NCOA1: variants seen among roughly 807,000 people sequenced by gnomAD.
NCOA1 encodes the protein Hin-2 protein.
In NCOA1, 35 loss-of-function variants were observed where a neutral mutation model predicts 150.9. The ratio of observed to expected loss-of-function variants is 0.23; its 90% confidence interval spans 0.18 to 0.31. NCOA1 has a LOEUF of 0.31. NCOA1 is among the 10% of genes least tolerant of loss of function. NCOA1 has a pLI of 1.00. For missense variants in NCOA1, 1,491 were observed against 1,749.3 expected (o/e 0.85, Z 2.63); for synonymous variants, 590 against 630.0 (o/e 0.94, Z 0.95).
At chr2:24,568,208 G>A (rs910062685) in intron 2 of NCOA1, among the ~76,000 whole-genome samples, 2 of 152,152 alleles carry the variant, frequency 1.3e-5, no homozygotes, top group Non-Finnish European at 2.9e-5. Flanking sequence ...TAAAGAATAT[G>A]GGATTTTGTT....
chr2:24,571,176 T>G (rs1666731292), intron 2 of NCOA1, among the ~76,000 whole-genome samples: 1 of 151,650 alleles, frequency 6.6e-6, no homozygotes, highest in African/African-American at 2.4e-5. Flanking sequence ...GATTGGCCAT[T>G]AGTTGATCGT....
At chr2:24,768,081 C>G in intron 22 of NCOA1, 140 bp from the exon 23 acceptor site, 1 of 1,613,624 alleles carries the variant, frequency 6.2e-7, no homozygotes, top group African/African-American at 1.3e-5. Context: ...TTTTGTAGGA[C>G]AAGAAGACAG....
chr2:24,537,826 T>C (rs1296743003), intron 1 of NCOA1, among the ~76,000 whole-genome samples: 2 of 152,152 alleles, frequency 1.3e-5, no homozygotes, highest in African/African-American at 2.4e-5. Context: ...TCTCATAATG[T>C]TATGCTGTAA....
chr2:24,524,384 A>G (rs1033047517), intron 1 of NCOA1, among the ~76,000 whole-genome samples: 2 of 152,004 alleles, frequency 1.3e-5, no homozygotes, highest in Admixed American at 6.6e-5. Flanking sequence ...TGAAGCCTCA[A>G]CCTCCTGGAC....
intron 1 of NCOA1, among the ~76,000 whole-genome samples, chr2:24,525,454 G>C (rs2148148370): frequency 6.6e-6 from 1 of 152,266 alleles, no homozygotes; most frequent in South Asian, 2.1e-4. Flanking sequence ...GATTTGTAAG[G>C]AAACTGGTTA....
chr2:24,646,765 A>G (rs1052841331), intron 4 of NCOA1, among the ~76,000 whole-genome samples: 1 of 150,530 alleles, frequency 6.6e-6, no homozygotes, highest in Non-Finnish European at 1.5e-5. Context: ...AAGAGTTTTC[A>G]GGATAAAGTC....
rs1673072426 is a variant in NCOA1, at chr2:24,699,893, C to G, written c.949+2095C>G. ...GGTGCAGTGGCTCATGCCTGTAATC[C>G]CAACACTTTGGGAGGCCGAGGCAGG... On this transcript the variant is annotated intron_variant, in intron 11 of 22. Transcript: ENST00000348332. Among the ~76,000 whole-genome samples, 3 of 152,078 alleles carry G rather than the reference C, an allele frequency of 2.0e-5. No homozygotes were observed. In the South Asian group the frequency reaches 6.2e-4, roughly 32 times the overall value.
intron 3 of NCOA1, among the ~76,000 whole-genome samples, chr2:24,637,956 A>C (rs957315836): frequency 6.6e-6 from 1 of 152,132 alleles, no homozygotes; most frequent in African/African-American, 2.4e-5. Context: ...TCGGCCTCCC[A>C]AAGTGCTGGG....
At chr2:24,657,318 G>A (rs1280329138) in intron 4 of NCOA1, among the ~76,000 whole-genome samples, 1 of 152,176 alleles carries the variant, frequency 6.6e-6, no homozygotes, top group African/African-American at 2.4e-5. Context: ...CTACAATTAG[G>A]TATTTGGTTC....
rs1355559556 is a variant in NCOA1, at chr2:24,665,732, T to G, written c.90-17T>G. 1 of 1,486,284 alleles carries G rather than the reference T, an allele frequency of 6.7e-7. No homozygotes were observed. The highest frequency in any genetic ancestry group is 1.4e-5 in the African/African-American group (1 of 70,760). The allele number at this position is 1,486,284 out of a possible 1,614,324, so 92.1% of individuals were successfully genotyped here. On this transcript the variant is annotated splice_polypyrimidine_tract_variant and intron_variant, in intron 5 of 22. Coordinates refer to ENST00000348332, the MANE Select transcript of NCOA1 (RefSeq NM_003743.5). ...GTGATACAAATGTACACTAACTGGA[T>G]TTTCTTTGTGTAACAGCACGGAAAA... is the stretch of plus-strand genomic sequence containing the variant.
rs781681339 is a variant in NCOA1 at position 24,665,736 on chromosome 2, C to T, written c.90-13C>T. 4 of 1,489,402 alleles carry T rather than the reference C, an allele frequency of 2.7e-6. No homozygotes were observed. The highest frequency in any genetic ancestry group is 3.6e-6 in the Non-Finnish European group (4 of 1,111,018). The allele number at this position is 1,489,402 out of a possible 1,614,324, so 92.3% of individuals were successfully genotyped here. The stretch of plus-strand genomic sequence containing the variant: ...TACAAATGTACACTAACTGGATTTT[C>T]TTTGTGTAACAGCACGGAAAAGAGG... On this transcript the variant is annotated splice_polypyrimidine_tract_variant and intron_variant, in intron 5 of 22. Transcript: ENST00000348332.
At chr2:24,610,114 A>G (rs1016456197) in intron 3 of NCOA1, among the ~76,000 whole-genome samples, 1 of 141,126 alleles carries the variant, frequency 7.1e-6, no homozygotes, top group Admixed American at 7.1e-5. Flanking sequence ...TTGTGACTAT[A>G]GGCTGCATTC....
At chr2:24,611,258 G>A (rs987375462) in intron 3 of NCOA1, among the ~76,000 whole-genome samples, 1 of 152,110 alleles carries the variant, frequency 6.6e-6, no homozygotes, top group African/African-American at 2.4e-5. Context: ...CTACATCCAC[G>A]TTGTCGCAAG....
At chr2:24,744,961 G>C (rs1200184827) in intron 19 of NCOA1, among the ~76,000 whole-genome samples, 1 of 152,124 alleles carries the variant, frequency 6.6e-6, no homozygotes, top group East Asian at 1.9e-4. Context: ...AACTGCATTA[G>C]CTTTGCTTTA....
intron 8 of NCOA1, among the ~76,000 whole-genome samples, chr2:24,690,141 T>C (rs1672593957): frequency 6.6e-6 from 1 of 152,224 alleles, no homozygotes; most frequent in African/African-American, 2.4e-5. Context: ...TAAATGACTT[T>C]AGAGATAAGG....
intron 3 of NCOA1, among the ~76,000 whole-genome samples, chr2:24,617,650 A>G (rs902354662): frequency 6.6e-6 from 1 of 152,118 alleles, no homozygotes; most frequent in Non-Finnish European, 1.5e-5. Context: ...CCTCTCCCTC[A>G]GACATCTGTT....
At position 24,540,536 on chromosome 2, in the gene NCOA1, G is replaced by T. The variant is rs574015052; in HGVS notation, c.-395-23759G>T. On this transcript the variant is annotated intron_variant, in intron 1 of 22. Coordinates refer to ENST00000348332, the MANE Select transcript of NCOA1 (RefSeq NM_003743.5). ...TGCAGTGGTGCGATCTTGGCTCACT[G>T]CAACCTCTGCCTCCCAGGTTCAAGT... 3.5e-4 allele frequency among the ~76,000 whole-genome samples: 53 copies of T among 151,194 alleles called. 2 individuals carry two copies. The South Asian group carries it at 6.7e-3, about 19-fold the overall frequency.
intron 1 of NCOA1, among the ~76,000 whole-genome samples, chr2:24,523,605 C>CAAAAAAAAAAAAAAAAAAA (rs979559677): frequency 1.4e-3 from 24 of 17,702 alleles, no homozygotes; most frequent in East Asian, 1.9e-3. Context: ...GACTCCGTCT[C>CAAAAAAAAAAAAAAAAAAA]AAAAAAAAAA....
intron 7 of NCOA1, among the ~76,000 whole-genome samples, chr2:24,675,069 T>C (rs966787073): frequency 6.6e-6 from 1 of 152,240 alleles, no homozygotes; most frequent in Non-Finnish European, 1.5e-5. Flanking sequence ...ATTTCTTTCC[T>C]TAATTGCCTC....
Sources: allele counts gnomAD v4.1 joint callset (sites outside exome capture counted in the v4.1 genomes callset), GRCh38; gene constraint gnomAD v4.1.1; transcripts MANE v1.5; gene names NCBI Gene and HGNC (gene_info 2026-07-23, HGNC 2026-07-21).